The following AKAP13 variants were observed in gnomAD, a reference collection of about 807,000 sequenced individuals.
AKAP13 encodes A-kinase anchoring protein 13, also known as A-kinase anchor protein 13.
A neutral mutation model predicts 264.5 loss-of-function variants in AKAP13; 80 were observed. The ratio of observed to expected loss-of-function variants is 0.30; its 90% CI spans 0.25 to 0.36. The LOEUF is 0.36. Ranked by LOEUF, AKAP13 falls within the 10% of genes least tolerant of loss-of-function variation. The pLI, the probability that AKAP13 is intolerant of heterozygous loss-of-function variation, is 1.00. For synonymous variants in AKAP13, 1,380 were observed against 1,250.2 expected, an observed-to-expected ratio of 1.10 and a Z score of -2.19; for missense variants, 3,712 against 3,435.2, an observed-to-expected ratio of 1.08 and a Z score of -2.01.
intron 1 of AKAP13, among the ~76,000 whole-genome samples, chr15:85,452,631 G>A (rs2150981688): frequency 6.6e-6 from 1 of 152,252 alleles, no homozygotes; most frequent in East Asian, 1.9e-4. Flanking sequence ...AGAGGGGAGG[G>A]TATGTCAGGT....
intron 8 of AKAP13, among the ~76,000 whole-genome samples, chr15:85,592,059 T>C (rs1236292642): frequency 6.6e-6 from 1 of 151,120 alleles, no homozygotes; most frequent in Non-Finnish European, 1.5e-5. Context: ...TTTTTTTTTT[T>C]TTTTTTTTGG....
intron 8 of AKAP13, among the ~76,000 whole-genome samples, chr15:85,633,540 T>C (rs981444225): frequency 3.7e-4 from 27 of 72,198 alleles, no homozygotes; most frequent in East Asian, 1.3e-3. Context: ...TTTTTCTTTT[T>C]TTTTTTTTTT....
At chr15:85,613,715 AG>A (rs2080811886) in intron 8 of AKAP13, among the ~76,000 whole-genome samples, 1 of 77,112 alleles carries the variant, frequency 1.3e-5, no homozygotes, top group Non-Finnish European at 2.9e-5. Flanking sequence ...TATATATATT[AG>A]GAGTGCTGAT....
chr15:85,613,691 A>T (rs77570250), intron 8 of AKAP13, among the ~76,000 whole-genome samples: 13,947 of 87,370 alleles, frequency 0.16, 2,077 homozygotes, highest in East Asian at 0.28. Context: ...AAAAAAAAAA[A>T]ATATATATAT....
chr15:85,700,692 T>A (rs545949634), intron 17 of AKAP13, among the ~76,000 whole-genome samples: 1 of 152,330 alleles, frequency 6.6e-6, no homozygotes, highest in East Asian at 1.9e-4. Context: ...CGTACCTTCT[T>A]AAAGGTATAA....
At chr15:85,560,205 A>T (rs2078319140) in intron 5 of AKAP13, among the ~76,000 whole-genome samples, 2 of 149,644 alleles carry the variant, frequency 1.3e-5, no homozygotes, top group African/African-American at 4.9e-5. Flanking sequence ...CTGGTCTGTC[A>T]CTCAGTCTAG....
intron 8 of AKAP13, among the ~76,000 whole-genome samples, chr15:85,618,597 G>A (rs1429759325): frequency 4.6e-5 from 7 of 152,192 alleles, no homozygotes; most frequent in Admixed American, 3.9e-4. Flanking sequence ...TCTGAAGTAA[G>A]TCTGTCCCTG....
At chr15:85,550,068 C>T (rs1186389028) in intron 5 of AKAP13, among the ~76,000 whole-genome samples, 1 of 152,144 alleles carries the variant, frequency 6.6e-6, no homozygotes, top group East Asian at 1.9e-4. Flanking sequence ...AGGTGCACGC[C>T]ACCACGCCCG....
chr15:85,606,322 G>A (rs900168100), intron 8 of AKAP13, among the ~76,000 whole-genome samples: 2 of 151,854 alleles, frequency 1.3e-5, no homozygotes, highest in African/African-American at 4.8e-5. Flanking sequence ...GGCTAGTCTT[G>A]AACACCTGAC....
chr15:85,601,504 C>T (rs182954035), intron 8 of AKAP13, among the ~76,000 whole-genome samples: 10 of 151,958 alleles, frequency 6.6e-5, no homozygotes, highest in African/African-American at 1.9e-4. Flanking sequence ...CCTTTTCCCC[C>T]AAAATAAGAA....
At chr15:85,639,566 A>G (rs2151473533) in intron 9 of AKAP13, 117 bp downstream of exon 9, 1 of 769,296 alleles carries the variant, frequency 1.3e-6, no homozygotes, top group Non-Finnish European at 2.2e-6. Context: ...GAAGGGATGT[A>G]TGTGATCTGG....
intron 1 of AKAP13, among the ~76,000 whole-genome samples, chr15:85,454,834 T>A (rs561201533): frequency 1.4e-4 from 21 of 152,306 alleles, no homozygotes; most frequent in African/African-American, 4.8e-4. Flanking sequence ...TCGTAACTGT[T>A]TTGAGTTACT....
intron 4 of AKAP13, among the ~76,000 whole-genome samples, chr15:85,540,726 G>A (rs563975174): frequency 1.3e-5 from 2 of 152,302 alleles, no homozygotes; most frequent in African/African-American, 2.4e-5. Context: ...TCATATATTC[G>A]TTTATCCCTT....
Position 85,527,139 on chromosome 15 carries a change from T to A in AKAP13, c.181+5564T>A, listed in dbSNP as rs1009771288. 9.1e-4 allele frequency among the ~76,000 whole-genome samples: 138 copies of A among 152,074 alleles called. 1 individual carries two copies. Among genetic ancestry groups the A allele is most frequent in the East Asian group, 1.2e-3 (6 of 5,182 alleles). On this transcript the variant is annotated intron_variant, in intron 3 of 36. Transcript: ENST00000394518. ...CACCACGCCCGGCTAAGTTTTTGTG[T>A]TTTTTAGTAGAGACGGGGTTTCACC...
At chr15:85,621,838 T>C (rs2081204850) in intron 8 of AKAP13, among the ~76,000 whole-genome samples, 1 of 152,170 alleles carries the variant, frequency 6.6e-6, no homozygotes, top group African/African-American at 2.4e-5. Context: ...GTTTTTTGTT[T>C]TTTTGTTTTC....
At chr15:85,688,420 C>G (rs949126460) in intron 16 of AKAP13, among the ~76,000 whole-genome samples, 1 of 152,080 alleles carries the variant, frequency 6.6e-6, no homozygotes, top group Non-Finnish European at 1.5e-5. Context: ...AAAACTAGAC[C>G]TACATCTTTT....
chr15:85,616,706 T>C (rs2080949901), intron 8 of AKAP13, among the ~76,000 whole-genome samples: 1 of 152,246 alleles, frequency 6.6e-6, no homozygotes, highest in Non-Finnish European at 1.5e-5. Flanking sequence ...GATTGGTTGC[T>C]GTATTTCAAA....
At position 85,432,341 on chromosome 15, in the gene AKAP13, C is replaced by T. The variant is rs138323344; in HGVS notation, c.-12+51543C>T. On this transcript the variant is annotated intron_variant, in intron 1 of 36. Coordinates refer to ENST00000394518, the MANE Select transcript of AKAP13 (RefSeq NM_007200.5). ...TTTACCCCATTATTTTCCTAATGAG[C>T]TCTGTTCATGCCTCTCTGCAAATCT... Among the ~76,000 whole-genome samples, 35 of 151,700 alleles carry T rather than the reference C, an allele frequency of 2.3e-4. No individual in the cohort carries two copies. In the East Asian group the frequency reaches 6.8e-3, roughly 29 times the overall value.
chr15:85,732,420 A>G (rs1465842624), intron 30 of AKAP13, among the ~76,000 whole-genome samples: 1 of 149,580 alleles, frequency 6.7e-6, no homozygotes, highest in African/African-American at 2.4e-5. Flanking sequence ...GAGCTTGGGG[A>G]AAAACATATA....
Sources: allele counts gnomAD v4.1 joint callset (sites outside exome capture counted in the v4.1 genomes callset), GRCh38; gene constraint gnomAD v4.1.1; transcripts MANE v1.5; gene names NCBI Gene and HGNC (gene_info 2026-07-23, HGNC 2026-07-21).